Variants in BICC1 observed in about 807,000 individuals in gnomAD.
BICC1 encodes BicC family RNA binding protein 1.
BICC1 carries 43 observed loss-of-function variants against 111.0 expected under a neutral mutation model. That is an observed-to-expected ratio of 0.39 (90% confidence interval 0.30 to 0.50). BICC1 has a LOEUF of 0.50. BICC1 is among the 20% of genes least tolerant of loss of function. BICC1 has a pLI of 0.88. For missense variants in BICC1, 1,091 were observed against 1,203.2 expected, an observed-to-expected ratio of 0.91 and a Z score of 1.38; for synonymous variants, 467 against 434.4, an observed-to-expected ratio of 1.07 and a Z score of -0.93.
chr10:58,816,349 C>T (rs1844087363), intron 18 of BICC1, among the ~76,000 whole-genome samples: 1 of 152,132 alleles, frequency 6.6e-6, no homozygotes, highest in Admixed American at 6.5e-5. Flanking sequence ...TGTCCCAGGA[C>T]TCAGTATCTT....
chr10:58,617,715 C>A (rs1360655661), intron 1 of BICC1, among the ~76,000 whole-genome samples: 1 of 152,244 alleles, frequency 6.6e-6, no homozygotes, highest in Admixed American at 6.5e-5. Flanking sequence ...TTTATTGAGG[C>A]TTAGCCTTGT....
At chr10:58,780,381 G>A (rs1451859621) in intron 3 of BICC1, among the ~76,000 whole-genome samples, 2 of 152,112 alleles carry the variant, frequency 1.3e-5, no homozygotes, top group Admixed American at 1.3e-4. Flanking sequence ...TTTTTCTGTT[G>A]TTTTCTGTCT....
intron 1 of BICC1, among the ~76,000 whole-genome samples, chr10:58,529,221 C>T (rs1658482): frequency 1 from 151,671 of 152,044 alleles, 75,650 homozygotes; most frequent in Middle Eastern, 1. Context: ...CCTCTGCTAA[C>T]ATGTCCAGCT....
intron 3 of BICC1, among the ~76,000 whole-genome samples, chr10:58,721,007 G>A (rs1840921869): frequency 6.6e-6 from 1 of 152,184 alleles, no homozygotes; most frequent in Admixed American, 6.5e-5. Context: ...TCAAGGGCCT[G>A]ATCTGTGCTT....
At chr10:58,669,298 A>G (rs766723458) in intron 2 of BICC1, among the ~76,000 whole-genome samples, 2 of 152,084 alleles carry the variant, frequency 1.3e-5, no homozygotes, top group African/African-American at 4.8e-5. Context: ...GATTTTGGAC[A>G]CTTAACCTGA....
At chr10:58,528,265 A>G (rs1476598437) in intron 1 of BICC1, among the ~76,000 whole-genome samples, 1 of 151,834 alleles carries the variant, frequency 6.6e-6, no homozygotes, top group Non-Finnish European at 1.5e-5. Flanking sequence ...ATGCAAGATG[A>G]TCTGTCTTCA....
intron 2 of BICC1, among the ~76,000 whole-genome samples, chr10:58,662,371 G>T (rs1352600838): frequency 2.6e-5 from 4 of 152,156 alleles, no homozygotes; most frequent in African/African-American, 7.2e-5. Flanking sequence ...TTAAACAAGG[G>T]TTTTCCACCC....
intron 3 of BICC1, among the ~76,000 whole-genome samples, chr10:58,717,918 G>A (rs1840799398): frequency 1.3e-5 from 2 of 151,880 alleles, no homozygotes; most frequent in South Asian, 4.1e-4. Context: ...CCTGTCCTAG[G>A]CCAATCTAAA....
At chr10:58,620,793 C>G in intron 1 of BICC1, 62 bp from the exon 2 acceptor site, 2 of 1,525,602 alleles carry the variant, frequency 1.3e-6, no homozygotes, top group Non-Finnish European at 1.8e-6. Flanking sequence ...ATCTGATGCT[C>G]GAAAGTTTTT....
rs186944526 is a variant in BICC1, at chr10:58,587,262, A to G, written c.191-33593A>G. Reference sequence around the variant, plus strand: ...ATGCTTAACACATTTTATGAGCTTCATCTATCCCATGTATTTTCCTGTCTT... The same window carrying G: ...ATGCTTAACACATTTTATGAGCTTCGTCTATCCCATGTATTTTCCTGTCTT... On this transcript the variant is annotated intron_variant, in intron 1 of 20. Coordinates refer to ENST00000373886, the MANE Select transcript of BICC1 (RefSeq NM_001080512.3). 8.5e-5 allele frequency among the ~76,000 whole-genome samples: 13 copies of G among 152,198 alleles called. No homozygotes were observed. The East Asian group carries it at 1.7e-3, about 20-fold the overall frequency.
At chr10:58,583,608 G>C (rs1490069969) in intron 1 of BICC1, among the ~76,000 whole-genome samples, 2 of 151,726 alleles carry the variant, frequency 1.3e-5, no homozygotes, top group African/African-American at 4.8e-5. Flanking sequence ...GTGTGTGTGT[G>C]TGTGTGTGTG....
intron 2 of BICC1, among the ~76,000 whole-genome samples, chr10:58,666,338 G>A (rs1312770872): frequency 1.3e-5 from 2 of 152,148 alleles, no homozygotes; most frequent in African/African-American, 4.8e-5. Context: ...TGTTTCAGGT[G>A]CATATTACTA....
At chr10:58,659,927 TGTA>T (rs1292202360) in intron 2 of BICC1, among the ~76,000 whole-genome samples, 3 of 152,188 alleles carry the variant, frequency 2.0e-5, no homozygotes, top group East Asian at 3.8e-4. Flanking sequence ...TGTGCTGACA[TGTA>T]GTATTATATT....
chr10:58,567,148 A>G (rs1052722731), intron 1 of BICC1, among the ~76,000 whole-genome samples: 2 of 152,180 alleles, frequency 1.3e-5, no homozygotes, highest in African/African-American at 4.8e-5. Context: ...GCCTTAGGAA[A>G]GGTGGGGAAA....
At chr10:58,663,362 C>T (rs1242630602) in intron 2 of BICC1, among the ~76,000 whole-genome samples, 5 of 152,100 alleles carry the variant, frequency 3.3e-5, no homozygotes, top group Non-Finnish European at 7.4e-5. Context: ...TCACCACATC[C>T]GGCCCAATTT....
chr10:58,537,418 T>A (rs1010832195), intron 1 of BICC1, among the ~76,000 whole-genome samples: 2 of 151,806 alleles, frequency 1.3e-5, no homozygotes, highest in Non-Finnish European at 2.9e-5. Context: ...GAAAAAGCAT[T>A]TGATAAAATC....
chr10:58,755,977 A>G (rs1290486296), intron 3 of BICC1, among the ~76,000 whole-genome samples: 5 of 152,060 alleles, frequency 3.3e-5, no homozygotes, highest in Non-Finnish European at 7.4e-5. Flanking sequence ...GTTTTCACCC[A>G]TCTTTGCTTT....
chr10:58,580,187 C>T (rs1022276974), intron 1 of BICC1, among the ~76,000 whole-genome samples: 2 of 152,054 alleles, frequency 1.3e-5, no homozygotes, highest in Non-Finnish European at 2.9e-5. Context: ...TCACACCCGG[C>T]TAATTTTTGT....
intron 20 of BICC1, among the ~76,000 whole-genome samples, chr10:58,826,149 T>C (rs980379385): frequency 6.6e-6 from 1 of 152,202 alleles, no homozygotes; most frequent in African/African-American, 2.4e-5. Context: ...GCATACTTAT[T>C]GACTCCATGA....
Sources: allele counts gnomAD v4.1 joint callset (sites outside exome capture counted in the v4.1 genomes callset), GRCh38; gene constraint gnomAD v4.1.1; transcripts MANE v1.5; gene names NCBI Gene and HGNC (gene_info 2026-07-23, HGNC 2026-07-21).